Variants in GALNT13 observed in about 807,000 individuals in gnomAD.
GALNT13 encodes polypeptide N-acetylgalactosaminyltransferase 13.
Under a neutral mutation model 64.2 loss-of-function variants are expected in GALNT13, and 28 were observed. The observed-to-expected ratio is 0.44, with a 90% CI of 0.32 to 0.60. GALNT13 has a LOEUF of 0.60. Among genes scored for constraint, GALNT13 ranks in the 20% least tolerant of loss-of-function variants. The pLI, the probability that GALNT13 is intolerant of heterozygous loss-of-function variation, is 0.05. For missense variants in GALNT13, 577 were observed against 669.8 expected, an observed-to-expected ratio of 0.86 and a Z score of 1.53; for synonymous variants, 214 against 224.6, an observed-to-expected ratio of 0.95 and a Z score of 0.42.
At position 154,438,486 on chromosome 2, in the gene GALNT13, T is replaced by C. The variant is rs1701109181; in HGVS notation, c.1396-106T>C. The C allele has an allele frequency of 5.4e-6, 4 of 747,632 alleles. No individual in the cohort carries two copies. In the Admixed American group the frequency reaches 8.4e-5, roughly 16 times the overall value. 46.3% of individuals were successfully genotyped at this position (747,632 alleles called of 1,614,324 possible). A position where few individuals can be genotyped will look rare whatever the true frequency, so the allele number is the denominator to read the frequency against. ...CTCAAGATAACATACCAGCAATCGT[T>C]TGAAAACACAAGTTTATCTGATACG... On this transcript the variant is annotated intron_variant, in intron 11 of 12. Coordinates refer to ENST00000392825, the MANE Select transcript of GALNT13 (RefSeq NM_052917.4).
At chr2:153,818,931 A>G in the GALNT13 span, among the ~76,000 whole-genome samples, 3 of 152,084 alleles carry the variant, frequency 2.0e-5, no homozygotes, top group African/African-American at 7.2e-5. Flanking sequence ...CCTGAGGACC[A>G]GTCCACCCCT....
In GALNT13 at chr2:154,245,878, A is replaced by G. The variant is rs1172701504; in HGVS notation, c.753A>G (p.Ser251=). 6.2e-7 allele frequency: 1 copy of G among 1,613,050 alleles called. No individual in the cohort carries two copies. Among genetic ancestry groups the G allele is most frequent in the Admixed American group, 1.7e-5 (1 of 60,006 alleles). Residue 251 remains serine, a synonymous_variant, in exon 7 of 13, where the codon TCA becomes TCG. Coordinates refer to ENST00000392825, the MANE Select transcript of GALNT13 (RefSeq NM_052917.4). ...SDDTFEYMAG[S]DMTYGGFNWK... ...ATACTTTTGAATATATGGCTGGGTC[A>G]GACATGACTTATGGGGGTTTTAACT...
intron 3 of GALNT13, among the ~76,000 whole-genome samples, chr2:154,031,114 T>C (rs1243313021): frequency 6.6e-6 from 1 of 152,152 alleles, no homozygotes; most frequent in Non-Finnish European, 1.5e-5. Flanking sequence ...AAATAAAATA[T>C]GTGACAAAAT....
intron 3 of GALNT13, among the ~76,000 whole-genome samples, chr2:154,137,449 A>T (rs1448380982): frequency 6.6e-6 from 1 of 152,120 alleles, no homozygotes; most frequent in Non-Finnish European, 1.5e-5. Context: ...TAAGAAACTG[A>T]GAATAATTAG....
intron 9 of GALNT13, among the ~76,000 whole-genome samples, chr2:154,342,040 G>A (rs1695800511): frequency 6.6e-6 from 1 of 152,006 alleles, no homozygotes; most frequent in South Asian, 2.1e-4. Context: ...GGAGGAGACT[G>A]GTTTAGGAAG....
chr2:154,095,829 A>G (rs932374711), intron 3 of GALNT13, among the ~76,000 whole-genome samples: 4 of 151,952 alleles, frequency 2.6e-5, no homozygotes, highest in Non-Finnish European at 5.9e-5. Context: ...TATGTTAAAG[A>G]TGTCAGTATT....
the GALNT13 span, among the ~76,000 whole-genome samples, chr2:153,862,796 C>T: frequency 0.82 from 124,854 of 151,916 alleles, 52,538 homozygotes; most frequent in Non-Finnish European, 0.9. Flanking sequence ...TGGACTGTTA[C>T]GCATTCTAGG....
At chr2:153,838,889 C>A in the GALNT13 span, among the ~76,000 whole-genome samples, 5 of 151,748 alleles carry the variant, frequency 3.3e-5, no homozygotes, top group Non-Finnish European at 7.4e-5. Context: ...GACATTTTAA[C>A]AATATTAATT....
At chr2:154,382,344 G>C (rs1698311760) in intron 9 of GALNT13, among the ~76,000 whole-genome samples, 1 of 151,984 alleles carries the variant, frequency 6.6e-6, no homozygotes, top group Non-Finnish European at 1.5e-5. Context: ...TGACATGCTT[G>C]GCCTGCTTTC....
At chr2:154,065,226 C>T (rs888863194) in intron 3 of GALNT13, among the ~76,000 whole-genome samples, 2 of 152,056 alleles carry the variant, frequency 1.3e-5, no homozygotes, top group Admixed American at 1.3e-4. Context: ...TACAGCACCA[C>T]ATAGATTTCT....
chr2:153,186,724 A>T, the GALNT13 span, among the ~76,000 whole-genome samples: 1 of 151,826 alleles, frequency 6.6e-6, no homozygotes, highest in African/African-American at 2.4e-5. Context: ...CTGCAACCAC[A>T]CCCAGCTAAT....
At chr2:153,714,874 CATTT>C in the GALNT13 span, among the ~76,000 whole-genome samples, 10 of 152,200 alleles carry the variant, frequency 6.6e-5, no homozygotes, top group Admixed American at 1.3e-4. Context: ...TCTTTTCATT[CATTT>C]GAGTCTCAAA....
the GALNT13 span, among the ~76,000 whole-genome samples, chr2:153,753,826 G>T: frequency 7.9e-5 from 12 of 152,298 alleles, no homozygotes; most frequent in African/African-American, 2.9e-4. Flanking sequence ...ACCTAGGCAG[G>T]TTTAGAGGTG....
At chr2:153,774,394 T>C in the GALNT13 span, among the ~76,000 whole-genome samples, 3 of 152,124 alleles carry the variant, frequency 2.0e-5, no homozygotes, top group Middle Eastern at 3.2e-3. Context: ...TAGGAGAAGA[T>C]GGCATTGCAA....
At chr2:153,299,110 A>C in the GALNT13 span, among the ~76,000 whole-genome samples, 1 of 152,238 alleles carries the variant, frequency 6.6e-6, no homozygotes, top group South Asian at 2.1e-4. Context: ...ATTTTGAATA[A>C]GGTTTCTTTT....
the GALNT13 span, among the ~76,000 whole-genome samples, chr2:153,373,405 A>AT: frequency 1.0e-3 from 158 of 152,274 alleles, no homozygotes; most frequent in Middle Eastern, 3.4e-3. Flanking sequence ...CTGAGCTTTT[A>AT]TTTTTTATCA....
chr2:153,246,795 C>A, the GALNT13 span, among the ~76,000 whole-genome samples: 3 of 152,244 alleles, frequency 2.0e-5, no homozygotes, highest in South Asian at 2.1e-4. Context: ...TCATACATAA[C>A]AATGTTAACC....
the GALNT13 span, among the ~76,000 whole-genome samples, chr2:153,418,963 G>A: frequency 1.4e-4 from 21 of 152,294 alleles, no homozygotes; most frequent in African/African-American, 2.6e-4. Context: ...TGTTTTTCCC[G>A]TTTTTGAATG....
chr2:153,180,189 T>C, the GALNT13 span, among the ~76,000 whole-genome samples: 55 of 152,168 alleles, frequency 3.6e-4, no homozygotes, highest in African/African-American at 1.0e-3. Context: ...TTATTGTGTT[T>C]AGGTACATTC....
Sources: gnomAD v4.1 joint callset for allele counts (sites outside exome capture counted in the v4.1 genomes callset) on GRCh38, gnomAD v4.1.1 for gene constraint, MANE v1.5 for transcripts, NCBI Gene and HGNC (gene_info 2026-07-23, HGNC 2026-07-21) for gene names.